LEKR1: variants seen among roughly 807,000 people sequenced by gnomAD.
LEKR1 encodes leucine, glutamate and lysine rich 1, also known as protein LEKR1.
LEKR1 carries 59 observed loss-of-function variants against 72.4 expected under a neutral mutation model. The ratio of observed to expected loss-of-function variants is 0.82; its 90% CI spans 0.66 to 1.01. The LOEUF is 1.01. LEKR1 is among the 50% of genes least tolerant of loss of function. The pLI is 0.00. For missense variants in LEKR1, 728 were observed against 759.2 expected (o/e 0.96, Z 0.48); for synonymous variants, 257 against 263.2 (o/e 0.98, Z 0.23).
At chr3:156,954,777 A>G (rs1450108228) in intron 6 of LEKR1, among the ~76,000 whole-genome samples, 1 of 152,042 alleles carries the variant, frequency 6.6e-6, no homozygotes, top group African/African-American at 2.4e-5. Context: ...GTATAACTTG[A>G]AGTCGGGTAG....
In LEKR1 at chr3:156,927,357, A is replaced by G. The variant is rs549730573; in HGVS notation, c.384-72A>G. The G allele has an allele frequency of 2.8e-5, 17 of 608,208 alleles. No individual in the cohort carries two copies. The Admixed American group carries it at 7.7e-4, about 28-fold the overall frequency. The allele number at this position is 608,208 out of a possible 1,614,324, so 37.7% of individuals were successfully genotyped here. On this transcript the variant is annotated intron_variant, in intron 4 of 12. Coordinates refer to ENST00000356539, the MANE Select transcript of LEKR1 (RefSeq NM_001004316.3). ...GACACTAGATTATATGGTCACTCTA[A>G]AACTATTTTTGAAGAAATGTTTGTT... is the stretch of plus-strand genomic sequence containing the variant.
intron 3 of LEKR1, among the ~76,000 whole-genome samples, chr3:156,861,724 A>G (rs994456849): frequency 2.6e-5 from 4 of 152,122 alleles, no homozygotes; most frequent in Admixed American, 2.0e-4. Context: ...AGAAGTTCAT[A>G]TCACTTTTTT....
chr3:156,883,678 G>A (rs970738469), intron 3 of LEKR1, among the ~76,000 whole-genome samples: 7 of 152,262 alleles, frequency 4.6e-5, no homozygotes, highest in African/African-American at 1.4e-4. Flanking sequence ...AACCGATTTT[G>A]CTTGGCTCTC....
At chr3:156,836,323 C>G (rs568354079) in intron 2 of LEKR1, among the ~76,000 whole-genome samples, 6 of 151,930 alleles carry the variant, frequency 3.9e-5, no homozygotes, top group Admixed American at 2.6e-4. Flanking sequence ...AAATGGGGCC[C>G]GTGGTACCTC....
intron 1 of LEKR1, among the ~76,000 whole-genome samples, chr3:156,827,894 TA>T (rs1255198752): frequency 6.6e-6 from 1 of 152,268 alleles, no homozygotes; most frequent in Non-Finnish European, 1.5e-5. Flanking sequence ...GTTTAGATGG[TA>T]ATTTTTTGGA....
At chr3:156,974,185 ATCAG>A (rs1297855941) in intron 6 of LEKR1, among the ~76,000 whole-genome samples, 1 of 152,182 alleles carries the variant, frequency 6.6e-6, no homozygotes, top group Non-Finnish European at 1.5e-5. Flanking sequence ...AATATTATGT[ATCAG>A]TCAGAGCAGA....
chr3:156,965,953 T>C (rs2107987288), intron 6 of LEKR1, among the ~76,000 whole-genome samples: 1 of 152,264 alleles, frequency 6.6e-6, no homozygotes, highest in African/African-American at 2.4e-5. Context: ...TAATAGCTCA[T>C]CAAACTGTGA....
intron 7 of LEKR1, among the ~76,000 whole-genome samples, chr3:156,983,097 A>C (rs1357838192): frequency 6.6e-6 from 1 of 152,184 alleles, no homozygotes; most frequent in Non-Finnish European, 1.5e-5. Context: ...CATTTCTGCA[A>C]TTATACAGTA....
chr3:156,960,348 C>T (rs972753717), intron 6 of LEKR1, among the ~76,000 whole-genome samples: 13 of 152,078 alleles, frequency 8.5e-5, no homozygotes, highest in Admixed American at 5.9e-4. Context: ...TGCAGTGGCG[C>T]GATCTCGGCT....
At chr3:156,939,993 G>A (rs1387018269) in intron 5 of LEKR1, among the ~76,000 whole-genome samples, 1 of 152,016 alleles carries the variant, frequency 6.6e-6, no homozygotes, top group Admixed American at 6.6e-5. Context: ...TGTTTTAACT[G>A]CCTATCCTAC....
intron 3 of LEKR1, among the ~76,000 whole-genome samples, chr3:156,861,857 T>A (rs1716798039): frequency 6.6e-6 from 1 of 151,988 alleles, no homozygotes; most frequent in Non-Finnish European, 1.5e-5. Flanking sequence ...ATCTTTTTAT[T>A]ATCTTTTCAT....
chr3:157,020,241 C>T (rs907776508), intron 10 of LEKR1, among the ~76,000 whole-genome samples: 81 of 144,250 alleles, frequency 5.6e-4, no homozygotes, highest in Non-Finnish European at 3.8e-4. Flanking sequence ...TCAAAGGGAC[C>T]CTGCTGATTT....
chr3:157,038,814 C>T (rs549166485), intron 12 of LEKR1, among the ~76,000 whole-genome samples: 3 of 152,298 alleles, frequency 2.0e-5, no homozygotes, highest in Non-Finnish European at 4.4e-5. Flanking sequence ...AGGGCAGCCT[C>T]CCCATGCAAT....
At chr3:156,909,043 G>A (rs943907632) in intron 3 of LEKR1, among the ~76,000 whole-genome samples, 54 of 152,216 alleles carry the variant, frequency 3.5e-4, no homozygotes, top group African/African-American at 1.2e-3. Flanking sequence ...TAAGTCTCAT[G>A]AGAGCTGATG....
At chr3:156,995,127 T>C (rs1006172740) in intron 9 of LEKR1, among the ~76,000 whole-genome samples, 1 of 152,156 alleles carries the variant, frequency 6.6e-6, no homozygotes, top group Non-Finnish European at 1.5e-5. Context: ...TAAAGTAAAT[T>C]TTTCCCCTTT....
At chr3:156,830,744 C>A (rs1712274548) in intron 2 of LEKR1, among the ~76,000 whole-genome samples, 2 of 151,994 alleles carry the variant, frequency 1.3e-5, no homozygotes, top group Admixed American at 1.3e-4. Flanking sequence ...AAAAAAAAAT[C>A]ATTATATGGC....
intron 1 of LEKR1, chr3:156,826,953 T>TA (rs936523542): frequency 1.3e-5 from 2 of 155,440 alleles, no homozygotes; most frequent in East Asian, 1.9e-4. Context: ...GTCTGCATTT[T>TA]AAAAAATGTC....
chr3:156,845,502 G>A (rs1436530250), intron 2 of LEKR1, among the ~76,000 whole-genome samples: 5 of 150,786 alleles, frequency 3.3e-5, no homozygotes, highest in Non-Finnish European at 7.4e-5. Context: ...GTCCCTACTT[G>A]TAGAATATGT....
chr3:156,829,017 A>C (rs1207482588), intron 1 of LEKR1, among the ~76,000 whole-genome samples: 1 of 152,228 alleles, frequency 6.6e-6, no homozygotes. Context: ...AGTAAATCAC[A>C]ACAGAAATTA....
Sources: allele counts gnomAD v4.1 joint callset (sites outside exome capture counted in the v4.1 genomes callset), GRCh38; gene constraint gnomAD v4.1.1; transcripts MANE v1.5; gene names NCBI Gene and HGNC (gene_info 2026-07-23, HGNC 2026-07-21).